Variants in MYRIP observed in about 807,000 individuals in gnomAD.
MYRIP encodes rab effector MyRIP.
MYRIP carries 49 observed loss-of-function variants against 98.0 expected under a neutral mutation model. The observed-to-expected ratio is 0.50, with a 90% CI of 0.40 to 0.63. The LOEUF is 0.63. Ranked by LOEUF, MYRIP falls within the 30% of genes least tolerant of loss-of-function variation. The pLI, the probability that MYRIP is intolerant of heterozygous loss-of-function variation, is 0.00. For missense variants in MYRIP, 1,004 were observed against 1,058.2 expected (o/e 0.95, Z 0.71); for synonymous variants, 404 against 409.5 (o/e 0.99, Z 0.16).
chr3:39,840,806 T>C (rs1414925388), intron 1 of MYRIP, among the ~76,000 whole-genome samples: 1 of 152,238 alleles, frequency 6.6e-6, no homozygotes, highest in African/African-American at 2.4e-5. Context: ...TCTTGTGGCT[T>C]GTAGGGTTTC....
At chr3:40,081,086 A>G (rs1395324436) in intron 3 of MYRIP, among the ~76,000 whole-genome samples, 1 of 152,198 alleles carries the variant, frequency 6.6e-6, no homozygotes, top group African/African-American at 2.4e-5. Flanking sequence ...ACTTTATTGC[A>G]TTGTCCTCAG....
intron 2 of MYRIP, among the ~76,000 whole-genome samples, chr3:39,982,890 A>G (rs912476372): frequency 1.3e-5 from 2 of 152,204 alleles, no homozygotes; most frequent in African/African-American, 2.4e-5. Context: ...AAACTCATAG[A>G]TAAGAGGATA....
At chr3:39,923,843 T>C (rs1487136547) in intron 2 of MYRIP, among the ~76,000 whole-genome samples, 2 of 152,130 alleles carry the variant, frequency 1.3e-5, no homozygotes, top group Non-Finnish European at 2.9e-5. Context: ...GACAATTATA[T>C]TGTGAATGGG....
At chr3:39,838,748 C>T (rs1941703845) in intron 1 of MYRIP, among the ~76,000 whole-genome samples, 1 of 152,068 alleles carries the variant, frequency 6.6e-6, no homozygotes, top group Admixed American at 6.5e-5. Flanking sequence ...AGGAGTCCCT[C>T]TTTTTCTATT....
intron 3 of MYRIP, among the ~76,000 whole-genome samples, chr3:40,081,409 A>G (rs1012696605): frequency 6.6e-6 from 1 of 152,182 alleles, no homozygotes; most frequent in Non-Finnish European, 1.5e-5. Context: ...TTTTGAGGTC[A>G]AGTTATTAGG....
At chr3:40,237,927 T>G (rs1416362139) in intron 12 of MYRIP, among the ~76,000 whole-genome samples, 2 of 152,256 alleles carry the variant, frequency 1.3e-5, no homozygotes, top group Non-Finnish European at 2.9e-5. Context: ...TTGAAAAGAA[T>G]GCAATGGCCT....
At chr3:40,105,225 C>G (rs527752958) in intron 3 of MYRIP, among the ~76,000 whole-genome samples, 2 of 152,260 alleles carry the variant, frequency 1.3e-5, no homozygotes, top group African/African-American at 4.8e-5. Context: ...GCTATTATGT[C>G]TGTATAAATG....
chr3:40,018,444 C>A (rs139052686), intron 2 of MYRIP, among the ~76,000 whole-genome samples: 1 of 152,290 alleles, frequency 6.6e-6, no homozygotes, highest in East Asian at 1.9e-4. Context: ...TGGTTTGCTA[C>A]CCCAGTCTTC....
At chr3:39,808,975 C>T (rs570717547), upstream of MYRIP, 1 of 152,384 alleles carries the variant, frequency 6.6e-6, no homozygotes, top group South Asian at 2.1e-4. Flanking sequence ...GGACAGCTCC[C>T]TGATCGGTAA....
chr3:39,873,366 G>T (rs181063753), intron 1 of MYRIP, among the ~76,000 whole-genome samples: 14,905 of 151,996 alleles, frequency 0.098, 1,824 homozygotes, highest in African/African-American at 0.28. Flanking sequence ...GTCAATTTTG[G>T]CTTTTGTTGC....
intron 1 of MYRIP, among the ~76,000 whole-genome samples, chr3:39,826,513 A>C (rs894990211): frequency 1.1e-4 from 16 of 152,116 alleles, no homozygotes; most frequent in African/African-American, 3.9e-4. Context: ...TTGTGGTCAG[A>C]TAATGTATTT....
chr3:39,911,000 C>T (rs895914603), intron 2 of MYRIP, among the ~76,000 whole-genome samples: 2 of 152,116 alleles, frequency 1.3e-5, no homozygotes, highest in Non-Finnish European at 2.9e-5. Context: ...AGTCATGCCT[C>T]AGTGTTGGGT....
chr3:40,004,525 GT>G (rs910110313), intron 2 of MYRIP, among the ~76,000 whole-genome samples: 12 of 151,760 alleles, frequency 7.9e-5, no homozygotes, highest in Non-Finnish European at 2.9e-5. Context: ...GTGGTGTTTG[GT>G]TACATGAATT....
chr3:39,848,872 A>G (rs1410129148), intron 1 of MYRIP, among the ~76,000 whole-genome samples: 1 of 151,862 alleles, frequency 6.6e-6, no homozygotes. Flanking sequence ...GAGTTTTAAT[A>G]ATTTATATCT....
intron 5 of MYRIP, among the ~76,000 whole-genome samples, chr3:40,164,262 T>TAGTGTTAA (rs1950459479): frequency 6.6e-6 from 1 of 152,176 alleles, no homozygotes; most frequent in Admixed American, 6.5e-5. Context: ...CTCTCCGGAT[T>TAGTGTTAA]AGTGTTAATT....
At chr3:40,072,305 T>A (rs1020031135) in intron 3 of MYRIP, among the ~76,000 whole-genome samples, 1 of 151,828 alleles carries the variant, frequency 6.6e-6, no homozygotes, top group African/African-American at 2.4e-5. Context: ...ACCTCCCGAG[T>A]TCAAGCAATT....
At chr3:39,915,257 A>G (rs1252356432) in intron 2 of MYRIP, among the ~76,000 whole-genome samples, 1 of 152,032 alleles carries the variant, frequency 6.6e-6, no homozygotes, top group Non-Finnish European at 1.5e-5. Flanking sequence ...CACAAACTAA[A>G]TAATAAAACT....
chr3:40,114,039 C>T (rs774085311), intron 3 of MYRIP, among the ~76,000 whole-genome samples: 1 of 152,092 alleles, frequency 6.6e-6, no homozygotes, highest in African/African-American at 2.4e-5. Context: ...CTAGGAAACA[C>T]ATAAAGCCCA....
At chr3:39,854,497 T>C (rs1186096937) in intron 1 of MYRIP, among the ~76,000 whole-genome samples, 1 of 152,212 alleles carries the variant, frequency 6.6e-6, no homozygotes, top group Non-Finnish European at 1.5e-5. Context: ...TGTGATTGTT[T>C]TTTCTTTATG....
Sources: gnomAD v4.1 joint callset for allele counts (sites outside exome capture counted in the v4.1 genomes callset) on GRCh38, gnomAD v4.1.1 for gene constraint, MANE v1.5 for transcripts, NCBI Gene and HGNC (gene_info 2026-07-23, HGNC 2026-07-21) for gene names.